The following TLE1 variants were observed in gnomAD, a reference collection of about 807,000 sequenced individuals.
TLE1 encodes transducin-like enhancer protein 1.
TLE1 carries 21 observed loss-of-function variants against 89.8 expected under a neutral mutation model. The ratio of observed to expected loss-of-function variants is 0.23; its 90% CI spans 0.17 to 0.34. The LOEUF (loss-of-function observed/expected upper bound fraction) is 0.34, where lower values mean the gene tolerates loss of function less well. Ranked by LOEUF, TLE1 falls within the 10% of genes least tolerant of loss-of-function variation. TLE1 has a pLI of 1.00. For missense variants in TLE1, 795 were observed against 1,031.2 expected (o/e 0.77, Z 3.14); for synonymous variants, 447 against 407.6 (o/e 1.10, Z -1.16).
intron 6 of TLE1, among the ~76,000 whole-genome samples, chr9:81,646,152 T>G (rs1171574455): frequency 6.6e-6 from 1 of 152,142 alleles, no homozygotes; most frequent in East Asian, 1.9e-4. Flanking sequence ...GAAAGAAATA[T>G]GTGGGGAAAT....
At position 81,633,381 on chromosome 9, in the gene TLE1, C is replaced by T. The variant is rs1398799621; in HGVS notation, c.578-17G>A. The stretch of plus-strand genomic sequence containing the variant: ...GCTCTCTGTCTGCTCCCGAGGTTAC[C>T]AAGAAACGCACAGACATGCCCGTTC... On this transcript the variant is annotated splice_polypyrimidine_tract_variant and intron_variant, in intron 7 of 19. Coordinates refer to ENST00000376499, the MANE Select transcript of TLE1 (RefSeq NM_005077.5). 6.2e-7 allele frequency: 1 copy of T among 1,612,618 alleles called. No individual in the cohort carries two copies. The highest frequency in any genetic ancestry group is 2.2e-5 in the East Asian group (1 of 44,836).
chr9:81,651,239 A>C (rs1829489809), intron 6 of TLE1, among the ~76,000 whole-genome samples: 2 of 152,230 alleles, frequency 1.3e-5, no homozygotes, highest in Admixed American at 1.3e-4. Flanking sequence ...CAAGGCACTC[A>C]CATATGAATA....
intron 4 of TLE1, among the ~76,000 whole-genome samples, chr9:81,670,362 G>A (rs1832059692): frequency 6.6e-6 from 1 of 152,082 alleles, no homozygotes; most frequent in Admixed American, 6.5e-5. Context: ...GTCTGGGTCT[G>A]TCGCCCAGGC....
At chr9:81,624,248 C>T (rs891682082) in intron 8 of TLE1, among the ~76,000 whole-genome samples, 5 of 152,106 alleles carry the variant, frequency 3.3e-5, no homozygotes, top group East Asian at 1.9e-4. Flanking sequence ...AAAATAGAAA[C>T]GTGTAATTTT....
chr9:81,634,194 G>A lies in TLE1; in HGVS notation c.480C>T (p.Gly160=). The A allele has an allele frequency of 6.3e-7, 1 of 1,592,170 alleles. No homozygotes were observed. Among genetic ancestry groups the A allele is most frequent in the Non-Finnish European group, 8.6e-7 (1 of 1,167,598 alleles). ...TAGACAGCGCAAGAAGGCCGGCACT[G>A]CCCCCGAGGGGCGGGATTCCAGGAG... ...LQPPGIPPLG[G]SAGLLALSSA... Residue 160 remains glycine, a synonymous_variant, in exon 7 of 20, where the codon GGC becomes GGT. Coordinates refer to ENST00000376499, the MANE Select transcript of TLE1 (RefSeq NM_005077.5).
intron 8 of TLE1, among the ~76,000 whole-genome samples, chr9:81,632,494 TTTAC>T (rs1167429304): frequency 1.3e-5 from 2 of 150,510 alleles, no homozygotes; most frequent in Non-Finnish European, 3.0e-5. Context: ...TTTTTTTTTT[TTTAC>T]CATATTAAAC....
intron 7 of TLE1, chr9:81,633,585 C>T: frequency 1.6e-6 from 1 of 610,616 alleles, no homozygotes; most frequent in Non-Finnish European, 2.7e-6. Context: ...TACACAAAGC[C>T]TATTTTTTTA....
chr9:81,651,477 C>A (rs1829522694), intron 6 of TLE1, among the ~76,000 whole-genome samples: 1 of 152,128 alleles, frequency 6.6e-6, no homozygotes, highest in Non-Finnish European at 1.5e-5. Flanking sequence ...GAGAGCAGAA[C>A]CCCGGTGAAA....
intron 11 of TLE1, among the ~76,000 whole-genome samples, chr9:81,614,625 T>A (rs1824179130): frequency 6.6e-6 from 1 of 152,008 alleles, no homozygotes; most frequent in Non-Finnish European, 1.5e-5. Flanking sequence ...ACCGGTAAAA[T>A]GGGATAATGC....
At chr9:81,632,058 C>G (rs919248619) in intron 8 of TLE1, among the ~76,000 whole-genome samples, 1 of 152,098 alleles carries the variant, frequency 6.6e-6, no homozygotes, top group Non-Finnish European at 1.5e-5. Flanking sequence ...CTACTGCACC[C>G]CAGCCTGGGT....
chr9:81,655,382 A>C (rs191747487), intron 4 of TLE1, among the ~76,000 whole-genome samples: 285 of 152,174 alleles, frequency 1.9e-3, no homozygotes, highest in Middle Eastern at 3.4e-3. Context: ...AAAATAAAGA[A>C]GGCTGGAAAA....
At chr9:81,682,326 TGCGTG>T (rs1833736055) in intron 4 of TLE1, among the ~76,000 whole-genome samples, 1 of 151,066 alleles carries the variant, frequency 6.6e-6, no homozygotes, top group Non-Finnish European at 1.5e-5. Context: ...CTTCAATAGA[TGCGTG>T]GCCTTGAGCA....
intron 13 of TLE1, 146 bp from the exon 14 acceptor site, chr9:81,610,442 C>T: frequency 1.5e-6 from 1 of 659,878 alleles, no homozygotes; most frequent in Non-Finnish European, 2.6e-6. Context: ...TTTTTAATTA[C>T]TATGCAAGAG....
rs569797540 is a variant in TLE1 at position 81,687,282 on chromosome 9, A to G, written c.125+52T>C. On this transcript the variant is annotated intron_variant, in intron 2 of 19. Coordinates refer to ENST00000376499, the MANE Select transcript of TLE1 (RefSeq NM_005077.5). ...GCGCCGCCGCCACCCGGCTGGGTGC[A>G]AGGGGCACCGGGACGCCCGCGACCA... 432 of 1,512,736 alleles carry G rather than the reference A, an allele frequency of 2.9e-4. 4 individuals carry two copies. The Admixed American group carries it at 6.8e-3, about 24-fold the overall frequency. 93.7% of individuals were successfully genotyped at this position (1,512,736 alleles called of 1,614,324 possible).
chr9:81,688,086 A>T, intron 1 of TLE1, 131 bp downstream of exon 1: 2 of 1,192,686 alleles, frequency 1.7e-6, no homozygotes, highest in Non-Finnish European at 2.4e-6. Context: ...AGGGCCCCAG[A>T]CCTCCCCAGC....
chr9:81,604,642 T>A (rs815854), intron 14 of TLE1, among the ~76,000 whole-genome samples: 126,682 of 152,134 alleles, frequency 0.83, 53,158 homozygotes, highest in African/African-American at 0.95. Context: ...AGAGGCACAC[T>A]GTCACTGCAC....
intron 6 of TLE1, among the ~76,000 whole-genome samples, chr9:81,647,284 C>A (rs1167627489): frequency 6.6e-6 from 1 of 152,198 alleles, no homozygotes; most frequent in Non-Finnish European, 1.5e-5. Flanking sequence ...CTTGTGCCAA[C>A]AATGACACTA....
rs11376391 is a variant in TLE1 at position 81,632,475 on chromosome 9, C to CTTT, written c.594+870_594+872dup. Among the ~76,000 whole-genome samples the CTTT allele has an allele frequency of 5.0e-3, 401 of 79,850 alleles. 2 individuals carry two copies. Among genetic ancestry groups the CTTT allele is most frequent in the African/African-American group, 0.011 (314 of 28,480 alleles). 52.4% of individuals were successfully genotyped at this position (79,850 alleles called of 152,430 possible). A position where few individuals can be genotyped will look rare whatever the true frequency, so the allele number is the denominator to read the frequency against. ...TATCAGATTTAAATGTTCAGTATCC[C>CTTT]TTTTTTTTTTTTTTTTTTTTTACCA... is the stretch of plus-strand genomic sequence containing the variant. On this transcript the variant is annotated intron_variant, in intron 8 of 19. Coordinates refer to ENST00000376499, the MANE Select transcript of TLE1 (RefSeq NM_005077.5).
At position 81,611,856 on chromosome 9, in the gene TLE1, A is replaced by G; in HGVS notation, c.1167T>C (p.Ala389=). ...ACATGTTGTGTAAACTGGCGTAGGC[A>G]GCGCCTGGGCTGGTCAGCTCGCCGT... The part of the protein sequence containing the change: ...GMNGELTSPG[A]AYASLHNMSP... The change falls in exon 13 of 20, where the codon GCT becomes GCC. Residue 389 remains alanine, a synonymous_variant. Transcript: ENST00000376499. 4 of 1,563,466 alleles carry G rather than the reference A, an allele frequency of 2.6e-6. No individual in the cohort carries two copies. The highest frequency in any genetic ancestry group is 3.5e-6 in the Non-Finnish European group (4 of 1,158,688).
Sources: allele counts gnomAD v4.1 joint callset (sites outside exome capture counted in the v4.1 genomes callset), GRCh38; gene constraint gnomAD v4.1.1; transcripts MANE v1.5; gene names NCBI Gene and HGNC (gene_info 2026-07-23, HGNC 2026-07-21).